AASDHPPT: variants seen among roughly 807,000 people sequenced by gnomAD.
AASDHPPT encodes the protein L-aminoadipate-semialdehyde dehydrogenase-phosphopantetheinyl transferase.
A neutral mutation model predicts 36.4 loss-of-function variants in AASDHPPT; 23 were observed. The observed-to-expected ratio is 0.63, with a 90% CI of 0.45 to 0.89. The LOEUF (loss-of-function observed/expected upper bound fraction) is 0.89. Among genes scored for constraint, AASDHPPT ranks in the 40% least tolerant of loss-of-function variants. AASDHPPT has a pLI of 0.00. For synonymous variants in AASDHPPT, 115 were observed against 128.0 expected, an observed-to-expected ratio of 0.90 and a Z score of 0.68; for missense variants, 377 against 378.2, an observed-to-expected ratio of 1.00 and a Z score of 0.03.
At position 106,094,564 on chromosome 11, in the gene AASDHPPT, T is replaced by C; in HGVS notation, c.694-19T>C. On this transcript the variant is annotated intron_variant, in intron 4 of 5. Transcript: ENST00000278618. ...TTACATATTTTATAATCTATATTTA[T>C]TTACCTTTTATCTTTCAGGAAAGCA... 1 of 1,568,530 alleles carries C rather than the reference T, an allele frequency of 6.4e-7. No individual in the cohort carries two copies. The highest frequency in any genetic ancestry group is 8.7e-7 in the Non-Finnish European group (1 of 1,155,214).
At position 106,079,560 on chromosome 11, in the gene AASDHPPT, G is replaced by C. The variant is rs933571601; in HGVS notation, c.277G>C (p.Val93Leu). The change falls in exon 2 of 6, where the codon GTT (valine) becomes CTT (leucine). Residue 93 changes from valine (V) to leucine (L), a missense_variant. Val to Leu is a conservative substitution (Grantham distance 32, BLOSUM62 1). Coordinates refer to ENST00000278618, the MANE Select transcript of AASDHPPT (RefSeq NM_015423.3). Reference sequence around the variant, plus strand: ...GCAAAGAACTGCAAAAGGAAAACCAGTTCTTGCAAAGGACTCATCGAATCC... The same window carrying C: ...GCAAAGAACTGCAAAAGGAAAACCACTTCTTGCAAAGGACTCATCGAATCC... ...RLQRTAKGKP[V>L]LAKDSSNPYP... 1.4e-5 allele frequency: 23 copies of C among 1,614,002 alleles called. No individual in the cohort carries two copies. Among genetic ancestry groups the C allele is most frequent in the Non-Finnish European group, 1.9e-5 (22 of 1,180,018 alleles).
At chr11:106,082,107 A>G (rs960402001) in intron 2 of AASDHPPT, among the ~76,000 whole-genome samples, 4 of 152,088 alleles carry the variant, frequency 2.6e-5, no homozygotes, top group Non-Finnish European at 5.9e-5. Context: ...ACCTCCCCCC[A>G]CCAGTTTTTT....
intron 4 of AASDHPPT, 73 bp downstream of exon 4, chr11:106,091,550 T>C (rs1565412156): frequency 7.0e-7 from 1 of 1,434,298 alleles, no homozygotes; most frequent in East Asian, 2.5e-5. Context: ...TTAATTTGGG[T>C]AAGCTAGTCA....
At chr11:106,085,667 A>G (rs974294930) in intron 2 of AASDHPPT, among the ~76,000 whole-genome samples, 3 of 152,252 alleles carry the variant, frequency 2.0e-5, no homozygotes, top group Non-Finnish European at 4.4e-5. Context: ...TTATAAAAAC[A>G]GTTGACAAAA....
chr11:106,086,695 T>A (rs758609977), intron 2 of AASDHPPT, among the ~76,000 whole-genome samples: 1 of 152,156 alleles, frequency 6.6e-6, no homozygotes, highest in East Asian at 1.9e-4. Context: ...ATCTCAATCA[T>A]CTAAATCAGC....
chr11:106,084,012 A>G (rs1861171154), intron 2 of AASDHPPT, among the ~76,000 whole-genome samples: 1 of 152,188 alleles, frequency 6.6e-6, no homozygotes. Flanking sequence ...TCCATAATAT[A>G]TAAAGAGCTT....
intron 1 of AASDHPPT, 41 bp downstream of exon 1, chr11:106,077,934 G>C (rs1861079005): frequency 1.3e-6 from 2 of 1,593,318 alleles, no homozygotes; most frequent in Non-Finnish European, 1.7e-6. Flanking sequence ...CTAGGAAGCA[G>C]ATCTTGGGGG....
At chr11:106,094,487 T>TAG (rs1306773752) in intron 4 of AASDHPPT, 96 bp from the exon 5 acceptor site, 16 of 804,268 alleles carry the variant, frequency 2.0e-5, no homozygotes, top group Admixed American at 8.3e-5. Context: ...TATATATATA[T>TAG]AGAGAGAGAG....
At position 106,098,064 on chromosome 11, in the gene AASDHPPT, C is replaced by T. The variant is rs571600195; in HGVS notation, c.*1157C>T. 6.6e-6 allele frequency: 1 copy of T among 152,128 alleles called. No homozygotes were observed. Among genetic ancestry groups the T allele is most frequent in the African/African-American group, 2.4e-5 (1 of 41,534 alleles). The allele number at this position is 152,128 out of a possible 1,614,324, so 9.4% of individuals were successfully genotyped here. A position where few individuals can be genotyped will look rare whatever the true frequency, so the allele number is the denominator to read the frequency against. On this transcript the variant is annotated 3_prime_UTR_variant, in exon 6 of 6. Transcript: ENST00000278618. ...CATAGGGCTTTAATTATACAATTTACCCCTCTAATTAGTACTATATGTATG... is the reference window on the plus strand; with the variant it reads ...CATAGGGCTTTAATTATACAATTTATCCCTCTAATTAGTACTATATGTATG...
At chr11:106,082,511 G>C (rs2135037265) in intron 2 of AASDHPPT, among the ~76,000 whole-genome samples, 1 of 152,242 alleles carries the variant, frequency 6.6e-6, no homozygotes, top group Non-Finnish European at 1.5e-5. Flanking sequence ...GTTGGCTTTT[G>C]GGGGTTATCA....
chr11:106,093,318 CTTAT>C (rs1464343577), intron 4 of AASDHPPT: 2 of 152,242 alleles, frequency 1.3e-5, no homozygotes, highest in South Asian at 2.1e-4. Flanking sequence ...AAGCATGATT[CTTAT>C]TTATTGAAAT....
chr11:106,089,511 T>G (rs1006471441), intron 2 of AASDHPPT: 1 of 152,098 alleles, frequency 6.6e-6, no homozygotes, highest in Non-Finnish European at 1.5e-5. Context: ...TAGTAAATGT[T>G]TGTGGTTCAC....
At chr11:106,080,459 G>A (rs958954477) in intron 2 of AASDHPPT, among the ~76,000 whole-genome samples, 10 of 152,092 alleles carry the variant, frequency 6.6e-5, no homozygotes, top group African/African-American at 2.4e-4. Context: ...TGTTAGTGGT[G>A]GCTTTAAGGA....
chr11:106,085,137 T>C (rs1000646334), intron 2 of AASDHPPT, among the ~76,000 whole-genome samples: 1 of 152,090 alleles, frequency 6.6e-6, no homozygotes, highest in African/African-American at 2.4e-5. Context: ...AGTCTTGCTC[T>C]GTTGCCCAGG....
chr11:106,082,111 G>GT (rs1442596231), intron 2 of AASDHPPT, among the ~76,000 whole-genome samples: 3 of 151,900 alleles, frequency 2.0e-5, no homozygotes, highest in Admixed American at 6.6e-5. Context: ...CCCCCCACCA[G>GT]TTTTTTTTAG....
At chr11:106,086,698 A>G (rs1211266573) in intron 2 of AASDHPPT, among the ~76,000 whole-genome samples, 3 of 152,280 alleles carry the variant, frequency 2.0e-5, no homozygotes, top group Admixed American at 6.5e-5. Context: ...TCAATCATCT[A>G]AATCAGCTAT....
chr11:106,084,328 TAAC>T (rs1199937580), intron 2 of AASDHPPT, among the ~76,000 whole-genome samples: 1 of 152,184 alleles, frequency 6.6e-6, no homozygotes, highest in African/African-American at 2.4e-5. Flanking sequence ...TATTTATGAA[TAAC>T]AACAAAACCT....
At chr11:106,081,319 A>G (rs1861137966) in intron 2 of AASDHPPT, among the ~76,000 whole-genome samples, 1 of 152,206 alleles carries the variant, frequency 6.6e-6, no homozygotes. Context: ...CCTACTAGTG[A>G]TTTTGGAAAC....
chr11:106,077,931 G>A lies in AASDHPPT; in HGVS notation c.183+38G>A. The A allele has an allele frequency of 2.5e-6, 4 of 1,600,494 alleles. No homozygotes were observed. The South Asian group carries it at 3.3e-5, about 13-fold the overall frequency. The stretch of plus-strand genomic sequence containing the variant: ...TTTTTTGGTATTTAGAGCCTAGGAA[G>A]CAGATCTTGGGGGAGGCGGGCCGGG... On this transcript the variant is annotated intron_variant, in intron 1 of 5. Transcript: ENST00000278618.
Sources: allele counts gnomAD v4.1 joint callset (sites outside exome capture counted in the v4.1 genomes callset), GRCh38; gene constraint gnomAD v4.1.1; transcripts MANE v1.5; gene names NCBI Gene and HGNC (gene_info 2026-07-23, HGNC 2026-07-21).